PLAGL1: variants seen among roughly 807,000 people sequenced by gnomAD.
PLAGL1 encodes PLAG1 like zinc finger 1, also known as zinc finger protein PLAGL1.
Under a neutral mutation model 4.6 loss-of-function variants are expected in PLAGL1, and 1 was observed. The ratio of observed to expected loss-of-function variants is 0.22; its 90% CI spans 0.08 to 1.03. PLAGL1 has a LOEUF of 1.03. Among genes scored for constraint, PLAGL1 ranks in the 50% least tolerant of loss-of-function variants. The pLI is 0.58. For synonymous variants in PLAGL1, 240 were observed against 237.8 expected, an observed-to-expected ratio of 1.01 and a Z score of -0.08; for missense variants, 464 against 570.4, an observed-to-expected ratio of 0.81 and a Z score of 1.90.
rs571187257 is a variant in PLAGL1, at chr6:143,985,624, TCTA to T, written c.-583-453_-583-451del. On this transcript the variant is annotated intron_variant, in intron 1 of 7. Transcript: ENST00000674357. The surrounding 1 kb of genome is among the most constrained non-coding windows in gnomAD (Gnocchi z 4.4). Reference sequence around the variant, plus strand: ...TTCATTCCTTGTCCATAGTTCTATGTCTACTACTACTACTACTACTTCCTATAT... The same window carrying T: ...TTCATTCCTTGTCCATAGTTCTATGTCTACTACTACTACTACTTCCTATAT... Among the ~76,000 whole-genome samples, 1 of 151,886 alleles carries T rather than the reference TCTA, an allele frequency of 6.6e-6. No homozygotes were observed. Among genetic ancestry groups the T allele is most frequent in the African/African-American group, 2.4e-5 (1 of 41,466 alleles).
At chr6:143,946,455 A>C (rs1779816842) in intron 7 of PLAGL1, among the ~76,000 whole-genome samples, 1 of 152,260 alleles carries the variant, frequency 6.6e-6, no homozygotes, top group South Asian at 2.1e-4. Context: ...CTCTGCAACA[A>C]ACTCATGCAC....
At chr6:144,003,351 G>A (rs1174295384) in intron 1 of PLAGL1, among the ~76,000 whole-genome samples, 2 of 152,120 alleles carry the variant, frequency 1.3e-5, no homozygotes, top group East Asian at 1.9e-4. Flanking sequence ...TGGGCTGGGC[G>A]CGGTGGCTCA....
chr6:143,945,359 C>G lies in PLAGL1; in HGVS notation c.152+2626G>C, dbSNP rs999225363. Among the ~76,000 whole-genome samples the G allele has an allele frequency of 5.3e-5, 8 of 152,160 alleles. No individual in the cohort carries two copies. The highest frequency in any genetic ancestry group is 1.7e-4 in the African/African-American group (7 of 41,426). On this transcript the variant is annotated intron_variant, in intron 7 of 7. Coordinates refer to ENST00000674357, the MANE Select transcript of PLAGL1 (RefSeq NM_001317162.2). The surrounding 1 kb of genome is among the most constrained non-coding windows in gnomAD (Gnocchi z 4.2). Reference sequence around the variant, plus strand: ...CTCACATTAGGACCTCCAACCTTGCCAAATCATCTTTTCTTGCCTGTTATT... The same window carrying G: ...CTCACATTAGGACCTCCAACCTTGCGAAATCATCTTTTCTTGCCTGTTATT...
At position 144,000,269 on chromosome 6, in the gene PLAGL1, G is replaced by C. The variant is rs1562537737; in HGVS notation, c.-584+7821C>G. On this transcript the variant is annotated intron_variant, in intron 1 of 7. Transcript: ENST00000674357. The surrounding 1 kb of genome is among the most constrained non-coding windows in gnomAD (Gnocchi z 4.1). The stretch of plus-strand genomic sequence containing the variant: ...TTCATTGTACTGGTTGTCCTAGCCA[G>C]TGAAATTAGACATAAACAAAAGAAT... Among the ~76,000 whole-genome samples, 3 of 151,996 alleles carry C rather than the reference G, an allele frequency of 2.0e-5. No homozygotes were observed. Among genetic ancestry groups the C allele is most frequent in the Admixed American group, 2.0e-4 (3 of 15,268 alleles).
In PLAGL1 at chr6:144,048,880, T is replaced by G. The variant is rs1798370179; in HGVS notation, c.-151+15588A>C. 6.6e-6 allele frequency among the ~76,000 whole-genome samples: 1 copy of G among 152,248 alleles called. No individual in the cohort carries two copies. Among genetic ancestry groups the G allele is most frequent in the Admixed American group, 6.5e-5 (1 of 15,284 alleles). ...TTTCTTTTCTACTACAAGGTCGGGA[T>G]GCATATTTTCCAAACTTCTATGCTC... On this transcript the variant is annotated intron_variant, in intron 1 of 3. Transcript: ENST00000437412. The surrounding 1 kb of genome is among the most constrained non-coding windows in gnomAD (Gnocchi z 4.8).
chr6:143,974,000 G>A lies in PLAGL1; in HGVS notation c.-543-5022C>T, dbSNP rs1785943945. The stretch of plus-strand genomic sequence containing the variant: ...CCCAAACTGGGTAATCCAAGCTCCT[G>A]TGTATAAATGAGTTGTGTGTTTGTT... On this transcript the variant is annotated intron_variant, in intron 2 of 7. Coordinates refer to ENST00000674357, the MANE Select transcript of PLAGL1 (RefSeq NM_001317162.2). The surrounding 1 kb of genome is among the most constrained non-coding windows in gnomAD (Gnocchi z 6.2). Among the ~76,000 whole-genome samples the A allele has an allele frequency of 6.6e-6, 1 of 152,226 alleles. No homozygotes were observed. The highest frequency in any genetic ancestry group is 6.5e-5 in the Admixed American group (1 of 15,276).
rs1163431099 is a variant in PLAGL1 at position 144,004,585 on chromosome 6, C to T, written c.-584+3505G>A. Among the ~76,000 whole-genome samples the T allele has an allele frequency of 3.3e-5, 5 of 152,078 alleles. No homozygotes were observed. The highest frequency in any genetic ancestry group is 9.7e-5 in the African/African-American group (4 of 41,398). ...CGGGACAGTAGTTGACTGGGGGAAG[C>T]GAGTGGCTCCATTGATAGGAAGGGG... On this transcript the variant is annotated intron_variant, in intron 1 of 7. Transcript: ENST00000674357. This position sits in a 1 kb window ranked among gnomAD's most constrained non-coding sequence, Gnocchi z 4.2.
chr6:144,032,120 C>A (rs1346024683), intron 1 of PLAGL1, among the ~76,000 whole-genome samples: 1 of 140,724 alleles, frequency 7.1e-6, no homozygotes, highest in East Asian at 2.1e-4. Flanking sequence ...TAACTTATTG[C>A]ATTTTTTTTT....
At chr6:143,943,030 A>ACTTTTTTTTTTT (rs1411368035) in intron 7 of PLAGL1, among the ~76,000 whole-genome samples, 2 of 7,298 alleles carry the variant, frequency 2.7e-4, no homozygotes, top group African/African-American at 3.9e-4. Context: ...AGGCCTGGCT[A>ACTTTTTTTTTTT]ATTTTTTTTT....
chr6:143,978,509 T>A lies in PLAGL1; in HGVS notation c.-544+6626A>T, dbSNP rs1787204287. On this transcript the variant is annotated intron_variant, in intron 2 of 7. Transcript: ENST00000674357. This position sits in a 1 kb window ranked among gnomAD's most constrained non-coding sequence, Gnocchi z 4.6. ...TTTTCAGTATTAACTTTTAGTTTAA[T>A]TCTGTAGTCTCAGAAAGTATTTTGT... is the stretch of plus-strand genomic sequence containing the variant. 6.6e-6 allele frequency among the ~76,000 whole-genome samples: 1 copy of A among 152,252 alleles called. No individual in the cohort carries two copies.
chr6:144,030,286 A>G (rs998425945), intron 1 of PLAGL1, among the ~76,000 whole-genome samples: 1 of 148,866 alleles, frequency 6.7e-6, no homozygotes, highest in Non-Finnish European at 1.5e-5. Flanking sequence ...AAAAAAAAGA[A>G]GATGTAAATT....
chr6:144,041,424 C>T (rs1797720527), intron 1 of PLAGL1, among the ~76,000 whole-genome samples: 2 of 151,638 alleles, frequency 1.3e-5, no homozygotes, highest in Admixed American at 1.3e-4. Context: ...TGAGTGAGAA[C>T]ATGCGGTGTT....
chr6:143,972,520 T>C lies in PLAGL1; in HGVS notation c.-543-3542A>G, dbSNP rs1439189217. Among the ~76,000 whole-genome samples, 1 of 152,200 alleles carries C rather than the reference T, an allele frequency of 6.6e-6. No individual in the cohort carries two copies. The highest frequency in any genetic ancestry group is 1.5e-5 in the Non-Finnish European group (1 of 68,028). On this transcript the variant is annotated intron_variant, in intron 2 of 7. Transcript: ENST00000674357. The surrounding 1 kb of genome is among the most constrained non-coding windows in gnomAD (Gnocchi z 6.8). ...ACTATTATAATGTCAGGCGCTAATCTTGGTCTGCTAGCCAGTTTCTGTTTG... is the reference window on the plus strand; with the variant it reads ...ACTATTATAATGTCAGGCGCTAATCCTGGTCTGCTAGCCAGTTTCTGTTTG...
intron 2 of PLAGL1, among the ~76,000 whole-genome samples, chr6:143,976,964 A>T (rs899063991): frequency 1.5e-4 from 23 of 152,172 alleles, no homozygotes; most frequent in African/African-American, 4.8e-4. Context: ...TTTCATTTTC[A>T]TTCAGTTCAA....
Position 143,994,078 on chromosome 6 carries a change from C to T in PLAGL1, c.-583-8904G>A, listed in dbSNP as rs1286046982. Among the ~76,000 whole-genome samples, 1 of 151,464 alleles carries T rather than the reference C, an allele frequency of 6.6e-6. No homozygotes were observed. The highest frequency in any genetic ancestry group is 1.9e-4 in the East Asian group (1 of 5,174). On this transcript the variant is annotated intron_variant, in intron 1 of 7. Transcript: ENST00000674357. This position sits in a 1 kb window ranked among gnomAD's most constrained non-coding sequence, Gnocchi z 4.3. The stretch of plus-strand genomic sequence containing the variant: ...GAAAAGAACTCCCTAGGGGCAAGGC[C>T]AGTACTTCTGAAAATGATGAACAAG...
intron 1 of PLAGL1, among the ~76,000 whole-genome samples, chr6:144,040,308 C>A (rs191591352): frequency 6.6e-6 from 1 of 151,342 alleles, no homozygotes; most frequent in Non-Finnish European, 1.5e-5. Flanking sequence ...GCGGGTGGAT[C>A]GCTTAAACCC....
upstream of PLAGL1, chr6:144,008,611 C>A (rs1053875080): frequency 1.3e-5 from 2 of 152,314 alleles, no homozygotes; most frequent in East Asian, 1.9e-4. The surrounding 1 kb of genome is among the most constrained non-coding windows in gnomAD (Gnocchi z 6.9). Flanking sequence ...TAGACCCGAG[C>A]CGGCCTGGGG....
chr6:144,021,829 A>G (rs57786025), intron 1 of PLAGL1, among the ~76,000 whole-genome samples: 2 of 152,360 alleles, frequency 1.3e-5, no homozygotes, highest in African/African-American at 4.8e-5. Context: ...AGATCTAACT[A>G]TACATTGGTA....
chr6:144,003,019 A>G (rs1397407144), intron 1 of PLAGL1, among the ~76,000 whole-genome samples: 2 of 152,184 alleles, frequency 1.3e-5, no homozygotes, highest in Non-Finnish European at 2.9e-5. Flanking sequence ...AAGACTTACC[A>G]TAAACTACAG....
Sources: allele counts gnomAD v4.1 joint callset (sites outside exome capture counted in the v4.1 genomes callset), GRCh38; gene constraint gnomAD v4.1.1; non-coding constraint Gnocchi (gnomAD v3.1); transcripts MANE v1.5; gene names NCBI Gene and HGNC (gene_info 2026-07-23, HGNC 2026-07-21).